Variants in GLDC observed in about 807,000 individuals in gnomAD.
GLDC encodes the protein glycine decarboxylase, also known as glycine dehydrogenase (decarboxylating), mitochondrial.
In GLDC, 104 loss-of-function variants were observed where a neutral mutation model predicts 121.3. The observed-to-expected ratio is 0.86, with a 90% CI of 0.73 to 1.01. The LOEUF (loss-of-function observed/expected upper bound fraction) is 1.01. Ranked by LOEUF, GLDC falls within the 50% of genes least tolerant of loss-of-function variation. The pLI, the probability that GLDC is intolerant of heterozygous loss-of-function variation, is 0.00. For synonymous variants in GLDC, 546 were observed against 480.6 expected (o/e 1.14, Z -1.78); for missense variants, 1,429 against 1,306.6 (o/e 1.09, Z -1.44).
chr9:6,570,482 T>A (rs1323532361), intron 15 of GLDC, among the ~76,000 whole-genome samples: 1 of 152,240 alleles, frequency 6.6e-6, no homozygotes, highest in African/African-American at 2.4e-5. Context: ...CCACCTTTAG[T>A]GTGTGATTTC....
At position 6,539,009 on chromosome 9, in the gene GLDC, A is replaced by G. The variant is rs530105714; in HGVS notation, c.2665+1042T>C. Among the ~76,000 whole-genome samples, 7 of 152,330 alleles carry G rather than the reference A, an allele frequency of 4.6e-5. No homozygotes were observed. The South Asian group carries it at 1.4e-3, about 32-fold the overall frequency. The stretch of plus-strand genomic sequence containing the variant: ...AGTGAGTCACACACATGGGATTCCC[A>G]TTATGATGCAGTAGTGAAACTATTA... On this transcript the variant is annotated intron_variant, in intron 22 of 24. Transcript: ENST00000321612.
At chr9:6,575,814 G>C (rs367785722) in intron 15 of GLDC, among the ~76,000 whole-genome samples, 3 of 152,258 alleles carry the variant, frequency 2.0e-5, no homozygotes, top group African/African-American at 7.2e-5. Context: ...GCAATTCCTA[G>C]AATGTACTTA....
chr9:6,556,230 T>C lies in GLDC; in HGVS notation c.2125A>G (p.Asn709Asp), dbSNP rs978127778. ...YPSTNGVFEE[N>D]ISDVCDLIHQ... ...ATGAGGTCACACACGTCACTGATGT[T>C]CTCTTCAAACACCCCATTGGTGGAT... The change falls in exon 18 of 25, where the codon AAC becomes GAC. Residue 709 changes from asparagine (N) to aspartate (D), a missense_variant. Physicochemically the swap from Asn to Asp is conservative, Grantham distance 23. Coordinates refer to ENST00000321612, the MANE Select transcript of GLDC (RefSeq NM_000170.3). 3.1e-6 allele frequency: 5 copies of C among 1,612,530 alleles called. No individual in the cohort carries two copies. The African/African-American group carries it at 5.3e-5, about 17-fold the overall frequency.
chr9:6,552,867 C>A (rs1287994179), intron 20 of GLDC, among the ~76,000 whole-genome samples: 3 of 152,052 alleles, frequency 2.0e-5, no homozygotes, highest in Admixed American at 6.6e-5. Flanking sequence ...ACCCTAAAGG[C>A]CAAAGAGCTC....
Position 6,621,815 on chromosome 9 carries a change from C to T in GLDC, c.335-1496G>A, listed in dbSNP as rs143227919. On this transcript the variant is annotated intron_variant, in intron 2 of 24. Transcript: ENST00000321612. ...ACAGGCGTGAGCCACCGCGCCCTGC[C>T]ACTGAAGGGTACTTTTTAGATAGAA... is the stretch of plus-strand genomic sequence containing the variant. Among the ~76,000 whole-genome samples the T allele has an allele frequency of 6.7e-3, 1,023 of 152,284 alleles. 6 individuals carry two copies. Among genetic ancestry groups the T allele is most frequent in the Non-Finnish European group, 9.8e-3 (667 of 68,020 alleles).
At chr9:6,623,174 A>G (rs796469492) in intron 2 of GLDC, 95 of 177,184 alleles carry the variant, frequency 5.4e-4, no homozygotes, top group Non-Finnish European at 8.6e-4. Flanking sequence ...GGAATAGAAA[A>G]GGGGGAAAGG....
intron 2 of GLDC, among the ~76,000 whole-genome samples, chr9:6,628,997 C>T (rs949797285): frequency 2.6e-5 from 4 of 152,044 alleles, no homozygotes; most frequent in Admixed American, 6.6e-5. Context: ...CTCTAGGCAT[C>T]ACTTCCTAAG....
intron 21 of GLDC, among the ~76,000 whole-genome samples, chr9:6,546,600 T>C (rs917746290): frequency 1.3e-5 from 2 of 152,090 alleles, no homozygotes; most frequent in African/African-American, 4.8e-5. Flanking sequence ...GAATACCTCC[T>C]GAAGGACCGC....
intron 14 of GLDC, 124 bp from the exon 15 acceptor site, chr9:6,587,407 T>A: frequency 1.4e-6 from 1 of 721,744 alleles, no homozygotes; most frequent in Admixed American, 2.3e-5. Context: ...GCGCTATACA[T>A]ATGTTAATTT....
rs185632238 is a variant in GLDC, at chr9:6,612,493, G to A, written c.471-2137C>T. ...TCACACCTGTAACCCTTGCACTCTG[G>A]GAGGCTGAGGTGGGCAATCACTCGA... On this transcript the variant is annotated intron_variant, in intron 3 of 24. Transcript: ENST00000321612. Among the ~76,000 whole-genome samples, 193 of 152,180 alleles carry A rather than the reference G, an allele frequency of 1.3e-3. 2 individuals carry two copies. Among genetic ancestry groups the A allele is most frequent in the Middle Eastern group, 3.4e-3 (1 of 294 alleles).
intron 8 of GLDC, among the ~76,000 whole-genome samples, chr9:6,601,884 G>A (rs1406553080): frequency 6.6e-6 from 1 of 152,134 alleles, no homozygotes; most frequent in Non-Finnish European, 1.5e-5. Context: ...GCCTGCCTTG[G>A]CCTCACAAGG....
intron 8 of GLDC, among the ~76,000 whole-genome samples, chr9:6,597,855 G>A (rs1354701772): frequency 1.3e-5 from 2 of 152,048 alleles, no homozygotes; most frequent in Admixed American, 1.3e-4. Context: ...AGAATGGCGT[G>A]AACCCGGGAG....
intron 7 of GLDC, among the ~76,000 whole-genome samples, chr9:6,603,347 G>A (rs1449531039): frequency 6.6e-6 from 1 of 152,038 alleles, no homozygotes; most frequent in Non-Finnish European, 1.5e-5. Flanking sequence ...CAGGCATGGT[G>A]GCTTACACCT....
At chr9:6,605,087 T>G in intron 6 of GLDC, 44 bp downstream of exon 6, 2 of 1,551,880 alleles carry the variant, frequency 1.3e-6, no homozygotes, top group Non-Finnish European at 1.8e-6. Flanking sequence ...AGATACAAGT[T>G]GGGATACGCC....
chr9:6,600,847 G>A (rs939135509), intron 8 of GLDC, among the ~76,000 whole-genome samples: 1 of 152,128 alleles, frequency 6.6e-6, no homozygotes, highest in African/African-American at 2.4e-5. Flanking sequence ...CAGAACCCAG[G>A]AAGCTCTTCC....
intron 16 of GLDC, among the ~76,000 whole-genome samples, chr9:6,564,729 TG>T (rs897273712): frequency 3.3e-5 from 5 of 152,170 alleles, no homozygotes; most frequent in African/African-American, 1.2e-4. Flanking sequence ...GCACTGCCCC[TG>T]GGGGGAGCGA....
intron 21 of GLDC, among the ~76,000 whole-genome samples, chr9:6,549,864 C>T (rs181528443): frequency 6.6e-6 from 1 of 152,136 alleles, no homozygotes; most frequent in Non-Finnish European, 1.5e-5. Context: ...GTAACGGTCT[C>T]TTCATGAATC....
chr9:6,635,254 T>C (rs1177215891), intron 2 of GLDC, among the ~76,000 whole-genome samples: 3 of 152,224 alleles, frequency 2.0e-5, no homozygotes, highest in African/African-American at 7.2e-5. Flanking sequence ...ATCTTCTACA[T>C]CTGACTCTCA....
chr9:6,542,253 T>C (rs1052793479), intron 21 of GLDC: 3 of 152,086 alleles, frequency 2.0e-5, no homozygotes, highest in African/African-American at 4.8e-5. Context: ...AAAAAAGAAA[T>C]TGAGACACAG....
Sources: gnomAD v4.1 joint callset for allele counts (sites outside exome capture counted in the v4.1 genomes callset) on GRCh38, gnomAD v4.1.1 for gene constraint, MANE v1.5 for transcripts, NCBI Gene and HGNC (gene_info 2026-07-23, HGNC 2026-07-21) for gene names.